The following SOX6 variants were observed in gnomAD, a reference collection of about 807,000 sequenced individuals.
SOX6 encodes the protein transcription factor SOX-6.
A neutral mutation model predicts 97.8 loss-of-function variants in SOX6; 11 were observed. That is an observed-to-expected ratio of 0.11 (90% CI 0.07 to 0.19). SOX6 has a LOEUF of 0.19. Among genes scored for constraint, SOX6 ranks in the 10% least tolerant of loss-of-function variants. The pLI is 1.00. For synonymous variants in SOX6, 360 were observed against 371.4 expected (o/e 0.97, Z 0.35); for missense variants, 810 against 1,039.5 (o/e 0.78, Z 3.04).
intron 8 of SOX6, 55 bp downstream of exon 8, chr11:16,097,554 A>T: frequency 6.9e-7 from 1 of 1,454,882 alleles, no homozygotes; most frequent in Non-Finnish European, 9.6e-7. Flanking sequence ...GCTGGTTAGC[A>T]GTTTTCCACT....
chr11:16,419,163 TTAC>T (rs1858981306), intron 1 of SOX6, among the ~76,000 whole-genome samples: 1 of 152,108 alleles, frequency 6.6e-6, no homozygotes, highest in Non-Finnish European at 1.5e-5. Context: ...CATTTGCACA[TTAC>T]TATTCATAAT....
At chr11:16,346,860 A>T (rs1329444715) in intron 1 of SOX6, among the ~76,000 whole-genome samples, 1 of 152,048 alleles carries the variant, frequency 6.6e-6, no homozygotes, top group East Asian at 1.9e-4. Context: ...ATGGATTCTG[A>T]CTTTTCTAAG....
At chr11:16,254,255 T>G (rs980126466) in intron 3 of SOX6, among the ~76,000 whole-genome samples, 5 of 152,144 alleles carry the variant, frequency 3.3e-5, no homozygotes, top group Admixed American at 3.3e-4. Flanking sequence ...AACTCAGATG[T>G]GCATACAAAA....
intron 4 of SOX6, among the ~76,000 whole-genome samples, chr11:16,544,567 G>A (rs1224222163): frequency 6.6e-6 from 1 of 152,036 alleles, no homozygotes; most frequent in Non-Finnish European, 1.5e-5. Flanking sequence ...GCCAAAAAGT[G>A]GTTTTGTTTT....
chr11:16,496,152 G>A (rs1416458981), intron 4 of SOX6, among the ~76,000 whole-genome samples: 1 of 152,034 alleles, frequency 6.6e-6, no homozygotes, highest in African/African-American at 2.4e-5. Flanking sequence ...AGATATCAAT[G>A]CAAAGATATA....
At chr11:16,340,027 T>C (rs574035645) in intron 2 of SOX6, among the ~76,000 whole-genome samples, 1 of 152,224 alleles carries the variant, frequency 6.6e-6, no homozygotes, top group Non-Finnish European at 1.5e-5. Context: ...GAGCATTGAC[T>C]GTGTCTGCAA....
At position 16,666,295 on chromosome 11, in the gene SOX6, T is replaced by C. The variant is rs951188288; in HGVS notation, n.429+48535A>G. On this transcript the variant is annotated intron_variant and non_coding_transcript_variant, in intron 3 of 5. Coordinates refer to the SOX6 transcript ENST00000524520. ...CAGAAAGAAAATTCAAGATAGCTGT[T>C]TGAGGAAACTCAATAAAATTCAAGA... 6.4e-4 allele frequency among the ~76,000 whole-genome samples: 97 copies of C among 152,210 alleles called. 4 individuals are homozygous for C.
chr11:16,718,576 T>A (rs187608314), intron 2 of SOX6, among the ~76,000 whole-genome samples: 118 of 152,314 alleles, frequency 7.7e-4, no homozygotes, highest in African/African-American at 2.6e-3. Context: ...GTACATATTA[T>A]CCTGGTTCAG....
chr11:16,027,206 C>T lies in SOX6; in HGVS notation c.1624-12156G>A, dbSNP rs1464772392. The stretch of plus-strand genomic sequence containing the variant: ...TAAAACAACTTTTCTCTGATAATGT[C>T]ACAGCATTTGCAGGAATTAGTATAA... On this transcript the variant is annotated intron_variant, in intron 12 of 15. Transcript: ENST00000683767. 3.9e-5 allele frequency among the ~76,000 whole-genome samples: 6 copies of T among 152,040 alleles called. No individual in the cohort carries two copies. In the East Asian group the frequency reaches 1.2e-3, roughly 29 times the overall value.
intron 12 of SOX6, among the ~76,000 whole-genome samples, chr11:16,025,275 G>A (rs1855183420): frequency 6.6e-6 from 1 of 152,168 alleles, no homozygotes; most frequent in Non-Finnish European, 1.5e-5. Context: ...ACAGAGGCAT[G>A]ATGCAGATTT....
intron 12 of SOX6, among the ~76,000 whole-genome samples, chr11:16,019,123 T>A (rs1854975107): frequency 6.6e-6 from 1 of 152,098 alleles, no homozygotes; most frequent in Non-Finnish European, 1.5e-5. Flanking sequence ...TGAAATGTAA[T>A]AATGCACTGG....
chr11:16,343,352 A>G (rs1157081590), intron 1 of SOX6, among the ~76,000 whole-genome samples: 1 of 151,974 alleles, frequency 6.6e-6, no homozygotes, highest in East Asian at 1.9e-4. Flanking sequence ...GAGTGACTTT[A>G]CTTCCCTCAA....
chr11:16,282,231 G>T (rs1281839270), intron 3 of SOX6, among the ~76,000 whole-genome samples: 2 of 150,706 alleles, frequency 1.3e-5, no homozygotes, highest in Admixed American at 1.3e-4. Flanking sequence ...GTGAAGAGAT[G>T]CAATCAAATA....
intron 12 of SOX6, among the ~76,000 whole-genome samples, chr11:16,043,624 T>A (rs1334909383): frequency 1.3e-5 from 2 of 152,188 alleles, no homozygotes; most frequent in East Asian, 3.8e-4. Context: ...TCCCTATGCC[T>A]GTTAGTAAGT....
Position 15,979,042 on chromosome 11 carries a change from C to CATATAT in SOX6, c.2184-5936_2184-5931dup, listed in dbSNP as rs57062569. 2.9e-3 allele frequency among the ~76,000 whole-genome samples: 306 copies of CATATAT among 107,102 alleles called. 1 individual carries two copies. Among genetic ancestry groups the CATATAT allele is most frequent in the African/African-American group, 5.7e-3 (157 of 27,454 alleles). 70.3% of individuals were successfully genotyped at this position (107,102 alleles called of 152,430 possible). A position where few individuals can be genotyped will look rare whatever the true frequency, so the allele number is the denominator to read the frequency against. Reference sequence around the variant, plus strand: ...AACTGCTTATTTTATATATATTTTACATATATATATATATATATATATAAA... The same window carrying CATATAT: ...AACTGCTTATTTTATATATATTTTACATATATATATATATATATATATATATATAAA... On this transcript the variant is annotated intron_variant, in intron 15 of 15. Coordinates refer to ENST00000683767, the MANE Select transcript of SOX6 (RefSeq NM_001367873.1).
intron 4 of SOX6, among the ~76,000 whole-genome samples, chr11:16,518,321 T>G (rs1444255512): frequency 6.6e-6 from 1 of 152,168 alleles, no homozygotes; most frequent in African/African-American, 2.4e-5. Context: ...CAACTCTACC[T>G]GTTAAATACA....
chr11:16,664,499 C>A (rs571178641), intron 3 of SOX6, among the ~76,000 whole-genome samples: 23 of 152,176 alleles, frequency 1.5e-4, no homozygotes, highest in African/African-American at 5.6e-4. Flanking sequence ...AGCATTTAGA[C>A]CAGAACTAGC....
chr11:16,549,593 T>A lies in SOX6; in HGVS notation n.609+62488A>T, dbSNP rs1847659302. 2.6e-5 allele frequency among the ~76,000 whole-genome samples: 4 copies of A among 152,134 alleles called. No homozygotes were observed. The South Asian group carries it at 6.2e-4, about 24-fold the overall frequency. ...TCATCCAACAGAGTAATCCAATGCCTAGGTTTTTACCCAAAAGAAATGAAA... is the reference window on the plus strand; with the variant it reads ...TCATCCAACAGAGTAATCCAATGCCAAGGTTTTTACCCAAAAGAAATGAAA... On this transcript the variant is annotated intron_variant and non_coding_transcript_variant, in intron 4 of 5. Transcript: ENST00000524520.
chr11:16,681,983 C>T (rs1847932083), intron 3 of SOX6, among the ~76,000 whole-genome samples: 1 of 152,110 alleles, frequency 6.6e-6, no homozygotes, highest in African/African-American at 2.4e-5. Context: ...GCCTAACAAC[C>T]AAAACAAGTC....
Sources: allele counts gnomAD v4.1 joint callset (sites outside exome capture counted in the v4.1 genomes callset), GRCh38; gene constraint gnomAD v4.1.1; transcripts MANE v1.5; gene names NCBI Gene and HGNC (gene_info 2026-07-23, HGNC 2026-07-21).